The following ADH6 variants were observed in gnomAD, a reference collection of about 807,000 sequenced individuals.
ADH6 encodes alcohol dehydrogenase 6 (class V).
A neutral mutation model predicts 36.5 loss-of-function variants in ADH6; 34 were observed. The ratio of observed to expected loss-of-function variants is 0.93; its 90% CI spans 0.71 to 1.24. The LOEUF (loss-of-function observed/expected upper bound fraction) is 1.24, where lower values mean the gene tolerates loss of function less well. Among genes scored for constraint, ADH6 ranks in the 50% most tolerant of loss-of-function variants. ADH6 has a pLI of 0.00. For missense variants in ADH6, 440 were observed against 447.0 expected (o/e 0.98, Z 0.14); for synonymous variants, 161 against 155.5 (o/e 1.04, Z -0.26).
chr4:99,215,350 A>C (rs1731368612), intron 2 of ADH6, among the ~76,000 whole-genome samples: 1 of 152,246 alleles, frequency 6.6e-6, no homozygotes, highest in South Asian at 2.1e-4. Flanking sequence ...ATAATAACAA[A>C]GGACTCTGAA....
intron 5 of ADH6, among the ~76,000 whole-genome samples, chr4:99,209,352 C>T (rs1259299277): frequency 6.6e-6 from 1 of 151,918 alleles, no homozygotes; most frequent in Non-Finnish European, 1.5e-5. Flanking sequence ...GGGTCAATAC[C>T]TTGTGAAGGC....
chr4:99,213,765 G>A lies in ADH6; in HGVS notation c.121-18C>T, dbSNP rs113375489. ...GCCACAACCTGTATGGAAGGCAAAG[G>A]GTACTGCAGTTCCCGCTGTTTCAGA... is the stretch of plus-strand genomic sequence containing the variant. On this transcript the variant is annotated intron_variant, in intron 2 of 8. Coordinates refer to ENST00000394899, the MANE Select transcript of ADH6 (RefSeq NM_001102470.2). 4 of 1,571,492 alleles carry A rather than the reference G, an allele frequency of 2.5e-6. No individual in the cohort carries two copies. The African/African-American group carries it at 4.1e-5, about 16-fold the overall frequency.
chr4:99,208,647 T>C (rs1731119824), intron 6 of ADH6, 21 bp downstream of exon 6: 1 of 1,591,526 alleles, frequency 6.3e-7, no homozygotes, highest in Non-Finnish European at 8.6e-7. Context: ...TTGGTAATTT[T>C]CACTCCAGAG....
rs1324612493 is a variant in ADH6 at position 99,208,758 on chromosome 4, G to C, written c.738C>G (p.Asp246Glu). The change falls in exon 6 of 9, where the codon GAC (aspartate) becomes GAG (glutamate). Residue 246 changes from aspartate to glutamate, a missense_variant. Physicochemically the swap from Asp to Glu is conservative, Grantham distance 45 (BLOSUM62 2). Coordinates refer to ENST00000394899, the MANE Select transcript of ADH6 (RefSeq NM_001102470.2). Reference sequence around the variant, plus strand: ...AAACTTCTTGAATGGGTTTCTTTAAGTCCTGAGGGTTGAGGCACTCAGTAG... The same window carrying C: ...AAACTTCTTGAATGGGTTTCTTTAACTCCTGAGGGTTGAGGCACTCAGTAG... ...LGATECLNPQ[D>E]LKKPIQEVLF... is the part of the protein sequence containing the mutation. 1 of 1,613,826 alleles carries C rather than the reference G, an allele frequency of 6.2e-7. No individual in the cohort carries two copies. The highest frequency in any genetic ancestry group is 1.7e-5 in the Admixed American group (1 of 59,996).
At chr4:99,216,613 G>A (rs937888983) in intron 1 of ADH6, among the ~76,000 whole-genome samples, 2 of 152,062 alleles carry the variant, frequency 1.3e-5, no homozygotes, top group Admixed American at 1.3e-4. Flanking sequence ...TTGGGAGGTC[G>A]AGGCGGGCGG....
intron 6 of ADH6, among the ~76,000 whole-genome samples, chr4:99,207,817 A>G (rs1219388818): frequency 6.6e-6 from 1 of 152,188 alleles, no homozygotes; most frequent in Non-Finnish European, 1.5e-5. Flanking sequence ...AAATAACAAA[A>G]ATGAAAATAG....
At position 99,203,604 on chromosome 4, in the gene ADH6, T is replaced by C. The variant is rs1455919540; in HGVS notation, c.*615A>G. The C allele has an allele frequency of 6.6e-6, 1 of 152,130 alleles. No homozygotes were observed. Among genetic ancestry groups the C allele is most frequent in the East Asian group, 1.9e-4 (1 of 5,178 alleles). 9.4% of individuals were successfully genotyped at this position (152,130 alleles called of 1,614,324 possible). A position where few individuals can be genotyped will look rare whatever the true frequency, so the allele number is the denominator to read the frequency against. On this transcript the variant is annotated 3_prime_UTR_variant, in exon 9 of 9. Transcript: ENST00000394899. Reference sequence around the variant, plus strand: ...ATGATGACTCCCCTCATCCCTTTTTTTTCTGCTGGATCCCTAGGTGGCTTA... The same window carrying C: ...ATGATGACTCCCCTCATCCCTTTTTCTTCTGCTGGATCCCTAGGTGGCTTA...
At chr4:99,212,737 ATG>A (rs978866505) in intron 3 of ADH6, among the ~76,000 whole-genome samples, 1 of 151,722 alleles carries the variant, frequency 6.6e-6, no homozygotes, top group African/African-American at 2.4e-5. Context: ...ACACACATAT[ATG>A]TGTATATATA....
intron 1 of ADH6, among the ~76,000 whole-genome samples, chr4:99,216,958 T>C (rs1287814670): frequency 6.6e-6 from 1 of 152,172 alleles, no homozygotes; most frequent in Non-Finnish European, 1.5e-5. Context: ...GTATAATACA[T>C]TTTTGTTGAG....
chr4:99,219,123 G>A lies in ADH6; in HGVS notation c.18+12C>T, dbSNP rs1731552329. On this transcript the variant is annotated intron_variant, in intron 1 of 8. Coordinates refer to ENST00000394899, the MANE Select transcript of ADH6 (RefSeq NM_001102470.2). Reference sequence around the variant, plus strand: ...AGATATGACACAACATAAAGAATAAGACTGCACCTACTTGGCCTGTAGTAC... The same window carrying A: ...AGATATGACACAACATAAAGAATAAAACTGCACCTACTTGGCCTGTAGTAC... 4 of 1,609,968 alleles carry A rather than the reference G, an allele frequency of 2.5e-6. No individual in the cohort carries two copies. The South Asian group carries it at 4.4e-5, about 18-fold the overall frequency.
At chr4:99,210,009 G>T in intron 5 of ADH6, 73 bp downstream of exon 5, 1 of 1,468,088 alleles carries the variant, frequency 6.8e-7, no homozygotes, top group South Asian at 1.1e-5. Context: ...GATAAGAGAT[G>T]ACAAAGATGC....
chr4:99,213,411 A>G (rs903821422), intron 3 of ADH6, among the ~76,000 whole-genome samples, 195 bp downstream of exon 3: 25 of 152,168 alleles, frequency 1.6e-4, no homozygotes, highest in Non-Finnish European at 2.9e-4. Context: ...CTTATTTTCA[A>G]AATGTAAATG....
intron 1 of ADH6, among the ~76,000 whole-genome samples, chr4:99,217,725 G>T (rs1158251653): frequency 6.6e-6 from 1 of 152,146 alleles, no homozygotes; most frequent in African/African-American, 2.4e-5. Flanking sequence ...CTGTGGGTAG[G>T]TACCCAGTAG....
chr4:99,207,549 A>T lies in ADH6; in HGVS notation c.861T>A (p.Tyr287Ter), dbSNP rs1229819823. Reference protein sequence around the residue: ...AAALASCNESYGVCVVVGVLP... With the variant: ...AAALASCNES ...ACACCCCAACAACCACACAGACCCCATAGCTCTCATTGCAGGAGGCGAGGG... is the reference window on the plus strand; with the variant it reads ...ACACCCCAACAACCACACAGACCCCTTAGCTCTCATTGCAGGAGGCGAGGG... Residue 287 changes from tyrosine (Y) to a stop codon, truncating the protein, a stop_gained, in exon 7 of 9, where the codon TAT becomes TAA. Transcript: ENST00000394899. LOFTEE classifies it high-confidence loss of function. 1 of 1,613,292 alleles carries T rather than the reference A, an allele frequency of 6.2e-7. No homozygotes were observed. Among genetic ancestry groups the T allele is most frequent in the Non-Finnish European group, 8.5e-7 (1 of 1,179,624 alleles).
chr4:99,217,191 A>T (rs532811487), intron 1 of ADH6, among the ~76,000 whole-genome samples: 1 of 151,906 alleles, frequency 6.6e-6, no homozygotes, highest in Non-Finnish European at 1.5e-5. Flanking sequence ...GCCCACCACC[A>T]CGCCTGGCTA....
rs1730906550 is a variant in ADH6, at chr4:99,202,920, A to C, written c.*1299T>G. On this transcript the variant is annotated 3_prime_UTR_variant, in exon 9 of 9. Coordinates refer to ENST00000394899, the MANE Select transcript of ADH6 (RefSeq NM_001102470.2). Reference sequence around the variant, plus strand: ...AGGTTTCATAGCACCCATCTCCTCTATTTGAAGGAAGCAGGCCCCTAAAGG... The same window carrying C: ...AGGTTTCATAGCACCCATCTCCTCTCTTTGAAGGAAGCAGGCCCCTAAAGG... 1 of 395,966 alleles carries C rather than the reference A, an allele frequency of 2.5e-6. No homozygotes were observed. The highest frequency in any genetic ancestry group is 1.3e-4 in the South Asian group (1 of 7,496). 24.5% of individuals were successfully genotyped at this position (395,966 alleles called of 1,614,324 possible). A position where few individuals can be genotyped will look rare whatever the true frequency, so the allele number is the denominator to read the frequency against.
intron 1 of ADH6, 106 bp downstream of exon 1, chr4:99,219,029 A>T: frequency 8.9e-7 from 1 of 1,117,432 alleles, no homozygotes; most frequent in Non-Finnish European, 1.3e-6. Context: ...ACAGCCTCTC[A>T]CCTTTAGGAG....
At position 99,204,919 on chromosome 4, in the gene ADH6, G is replaced by T. The variant is rs781103510; in HGVS notation, c.1103+6C>A. 1 of 1,603,492 alleles carries T rather than the reference G, an allele frequency of 6.2e-7. No individual in the cohort carries two copies. Among genetic ancestry groups the T allele is most frequent in the Admixed American group, 1.7e-5 (1 of 58,748 alleles). ...CACAGACATAAAATTTATGTGGGCAGTTTACCATTTTCCAGTTTTCATTAA... is the reference window on the plus strand; with the variant it reads ...CACAGACATAAAATTTATGTGGGCATTTTACCATTTTCCAGTTTTCATTAA... On this transcript the variant is annotated splice_donor_region_variant and intron_variant, in intron 8 of 8. Coordinates refer to ENST00000394899, the MANE Select transcript of ADH6 (RefSeq NM_001102470.2).
intron 7 of ADH6, among the ~76,000 whole-genome samples, chr4:99,207,004 G>T (rs1731059952): frequency 2.0e-5 from 3 of 151,712 alleles, no homozygotes; most frequent in South Asian, 4.2e-4. Flanking sequence ...AGAATCCATT[G>T]TGTTTAATAT....
Sources: allele counts gnomAD v4.1 joint callset (sites outside exome capture counted in the v4.1 genomes callset), GRCh38; gene constraint gnomAD v4.1.1; transcripts MANE v1.5; gene names NCBI Gene and HGNC (gene_info 2026-07-23, HGNC 2026-07-21).